NHS: variants seen among roughly 807,000 people sequenced by gnomAD.
NHS encodes NHS actin remodeling regulator, also known as actin remodeling regulator NHS.
A neutral mutation model predicts 72.5 loss-of-function variants in NHS; 5 were observed. The observed-to-expected ratio is 0.07, with a 90% CI of 0.04 to 0.14. NHS has a LOEUF of 0.14. Ranked by LOEUF, NHS falls within the 10% of genes least tolerant of loss-of-function variation. The probability of loss-of-function intolerance (pLI) is 1.00; values close to 1 mark genes in which losing one functional copy is unlikely to be tolerated. For synonymous variants in NHS, 464 were observed against 547.7 expected (o/e 0.85, Z 2.13); for missense variants, 1,072 against 1,355.7 (o/e 0.79, Z 3.29).
At chrX:17,532,233 G>A (rs1273855976) in intron 1 of NHS, among the ~76,000 whole-genome samples, 8 of 111,857 alleles carry the variant, frequency 7.2e-5, no homozygotes, top group East Asian at 2.8e-4. Flanking sequence ...ATTGGCCCTC[G>A]AGGTCAGGAA....
intron 1 of NHS, among the ~76,000 whole-genome samples, chrX:17,550,774 C>T (rs1284906194): frequency 2.7e-5 from 3 of 111,941 alleles, no homozygotes; most frequent in East Asian, 2.8e-4. Flanking sequence ...GGTCATATCA[C>T]GTCTCTCCAC....
intron 1 of NHS, among the ~76,000 whole-genome samples, chrX:17,554,331 C>T (rs1306091071): frequency 8.9e-6 from 1 of 112,150 alleles, no homozygotes; most frequent in Non-Finnish European, 1.9e-5. Context: ...GACTAAGTTT[C>T]GTCAGTGCCT....
At chrX:17,518,224 C>T (rs1333275504) in intron 1 of NHS, among the ~76,000 whole-genome samples, 1 of 111,948 alleles carries the variant, frequency 8.9e-6, no homozygotes, top group South Asian at 3.7e-4. Flanking sequence ...AGAAGCGACA[C>T]AACCCTTCTG....
intron 1 of NHS, among the ~76,000 whole-genome samples, chrX:17,538,159 C>A (rs1185091448): frequency 8.9e-6 from 1 of 112,034 alleles, no homozygotes; most frequent in Non-Finnish European, 1.9e-5. Context: ...CAGGTTTGTG[C>A]ATTTCCTCAT....
At chrX:17,561,304 T>A (rs191448394) in intron 1 of NHS, among the ~76,000 whole-genome samples, 122 of 111,719 alleles carry the variant, frequency 1.1e-3, no homozygotes, top group Non-Finnish European at 1.7e-3. Flanking sequence ...TCCCTAGCTC[T>A]TTCCTCAGTT....
At chrX:17,389,477 T>C (rs1400895712) in intron 1 of NHS, among the ~76,000 whole-genome samples, 1 of 111,963 alleles carries the variant, frequency 8.9e-6, no homozygotes, top group African/African-American at 3.3e-5. Context: ...TGTTGGGCTG[T>C]TTATGACATC....
chrX:17,597,767 G>A (rs1476587300), intron 1 of NHS, among the ~76,000 whole-genome samples: 1 of 110,827 alleles, frequency 9.0e-6, no homozygotes, highest in South Asian at 3.9e-4. Context: ...AAAGTAACAG[G>A]GAGAGGAAGA....
intron 1 of NHS, among the ~76,000 whole-genome samples, chrX:17,490,399 G>T (rs1201790290): frequency 3.6e-5 from 4 of 111,857 alleles, no homozygotes; most frequent in African/African-American, 1.3e-4. Context: ...CCCCATTGCT[G>T]GTTTTTGTCA....
At chrX:17,499,816 A>G (rs1160991048) in intron 1 of NHS, among the ~76,000 whole-genome samples, 2 of 112,120 alleles carry the variant, frequency 1.8e-5, no homozygotes, top group East Asian at 5.7e-4. Context: ...ACTAGCAGCC[A>G]CCACTCACAG....
chrX:17,617,243 G>T (rs766445124), intron 1 of NHS, among the ~76,000 whole-genome samples: 1 of 111,830 alleles, frequency 8.9e-6, no homozygotes, highest in Non-Finnish European at 1.9e-5. Flanking sequence ...CAACCACACT[G>T]ATCTGTGCTT....
At chrX:17,520,152 C>T (rs1386395733) in intron 1 of NHS, among the ~76,000 whole-genome samples, 1 of 111,761 alleles carries the variant, frequency 8.9e-6, no homozygotes, top group Non-Finnish European at 1.9e-5. Context: ...CTTGGCTGCA[C>T]CCATTGAATC....
intron 1 of NHS, among the ~76,000 whole-genome samples, chrX:17,489,021 T>A (rs1041809955): frequency 9.0e-6 from 1 of 111,566 alleles, no homozygotes. Context: ...AACTCCTACT[T>A]ATGAGTGAGA....
chrX:17,552,190 C>T (rs2065340436), intron 1 of NHS, among the ~76,000 whole-genome samples: 1 of 112,157 alleles, frequency 8.9e-6, no homozygotes, highest in Non-Finnish European at 1.9e-5. Context: ...AGTCCAAAGG[C>T]ATTCTGAATG....
intron 1 of NHS, among the ~76,000 whole-genome samples, chrX:17,602,315 A>C (rs146197216): frequency 0.035 from 3,977 of 112,140 alleles, 143 homozygotes; most frequent in African/African-American, 0.091. Flanking sequence ...AGGAAAGCAT[A>C]CTGAGTGCTT....
intron 1 of NHS, among the ~76,000 whole-genome samples, chrX:17,534,096 T>TTGTG (rs59352413): frequency 0.21 from 21,516 of 104,526 alleles, 1,822 homozygotes; most frequent in African/African-American, 0.26. Flanking sequence ...TGAAAGGTCA[T>TTGTG]TGTGTGTGTG....
rs376448412 is a variant in NHS at position 17,699,755 on chromosome X, G to A, written c.852+7287G>A. The stretch of plus-strand genomic sequence containing the variant: ...CAACAGTAAACTCCAAATGGATCAG[G>A]GACCTAAACCTAAAAAATGAAACCA... On this transcript the variant is annotated intron_variant, in intron 3 of 8. Coordinates refer to ENST00000676302, the MANE Select transcript of NHS (RefSeq NM_001291867.2). Among the ~76,000 whole-genome samples the A allele has an allele frequency of 8.1e-5, 9 of 111,610 alleles. No individual in the cohort carries two copies. The South Asian group carries it at 3.4e-3, about 42-fold the overall frequency.
At chrX:17,487,681 G>A (rs755920421) in intron 1 of NHS, among the ~76,000 whole-genome samples, 1 of 111,567 alleles carries the variant, frequency 9.0e-6, no homozygotes, top group East Asian at 2.8e-4. Flanking sequence ...TTTTAGTCCT[G>A]GATGAAAGGC....
chrX:17,462,779 G>C (rs944975794), intron 1 of NHS, among the ~76,000 whole-genome samples: 1 of 111,297 alleles, frequency 9.0e-6, no homozygotes, highest in Admixed American at 9.6e-5. Flanking sequence ...TCTAATTCAC[G>C]GCATCGTTTC....
At position 17,683,636 on chromosome X, in the gene NHS, T is replaced by G. The variant is rs1027325179; in HGVS notation, c.566-4106T>G. On this transcript the variant is annotated intron_variant, in intron 1 of 8. Coordinates refer to ENST00000676302, the MANE Select transcript of NHS (RefSeq NM_001291867.2). ...GGGTACCATGATATTATTAATATAA[T>G]GCACCTGGCTTAGAACTTGGCATAT... Among the ~76,000 whole-genome samples, 10 of 111,891 alleles carry G rather than the reference T, an allele frequency of 8.9e-5. No homozygotes were observed. In the Admixed American group the frequency reaches 9.5e-4, roughly 11 times the overall value.
Sources: gnomAD v4.1 joint callset for allele counts (sites outside exome capture counted in the v4.1 genomes callset) on GRCh38, gnomAD v4.1.1 for gene constraint, MANE v1.5 for transcripts, NCBI Gene and HGNC (gene_info 2026-07-23, HGNC 2026-07-21) for gene names.